The following SULT4A1 variants were observed in gnomAD, a reference collection of about 807,000 sequenced individuals.
SULT4A1 encodes the protein sulfotransferase family 4A member 1, also known as sulfotransferase 4A1.
A neutral mutation model predicts 35.2 loss-of-function variants in SULT4A1; 11 were observed. The observed-to-expected ratio is 0.31, with a 90% confidence interval of 0.20 to 0.52. The LOEUF (loss-of-function observed/expected upper bound fraction) is 0.52, where lower values mean the gene tolerates loss of function less well. Among genes scored for constraint, SULT4A1 ranks in the 20% least tolerant of loss-of-function variants. The pLI is 0.97. For synonymous variants in SULT4A1, 152 were observed against 151.8 expected (o/e 1.00, Z -0.01); for missense variants, 271 against 383.7 (o/e 0.71, Z 2.45).
In SULT4A1 at chr22:43,842,003, C is replaced by T; in HGVS notation, c.170-71G>A. The T allele has an allele frequency of 1.9e-6, 3 of 1,545,298 alleles. No homozygotes were observed. The South Asian group carries it at 3.6e-5, about 18-fold the overall frequency. On this transcript the variant is annotated intron_variant, in intron 1 of 6. Coordinates refer to ENST00000330884, the MANE Select transcript of SULT4A1 (RefSeq NM_014351.4). ...GCGCCCGGCCCTGTGCTCGGGTCAA[C>T]ACCTGCTGCCCAAGAAGGGGCTCAA...
In SULT4A1 at chr22:43,833,578, G is replaced by A. The variant is rs753292812; in HGVS notation, c.603+62C>T. The stretch of plus-strand genomic sequence containing the variant: ...CACGCCCACTGTAAAGGGCTCCTGC[G>A]TCAGGAGCTGCCAGGCCGAGGGCCA... On this transcript the variant is annotated intron_variant, in intron 5 of 6. Transcript: ENST00000330884. The A allele has an allele frequency of 2.6e-5, 35 of 1,364,452 alleles. 1 individual carries two copies. In the Admixed American group the frequency reaches 2.8e-4, roughly 11 times the overall value. The allele number at this position is 1,364,452 out of a possible 1,614,324, so 84.5% of individuals were successfully genotyped here. A position where few individuals can be genotyped will look rare whatever the true frequency, so the allele number is the denominator to read the frequency against.
At chr22:43,826,996 C>G (rs777677613) in intron 6 of SULT4A1, 22 of 985,354 alleles carry the variant, frequency 2.2e-5, no homozygotes, top group Non-Finnish European at 2.5e-5. Context: ...CTCAACATGA[C>G]AAGAGAAGTT....
chr22:43,836,965 C>T (rs934821792), intron 4 of SULT4A1, among the ~76,000 whole-genome samples: 1 of 152,278 alleles, frequency 6.6e-6, no homozygotes, highest in Non-Finnish European at 1.5e-5. Context: ...TCACCTGCCT[C>T]CAGGGCCCTT....
At chr22:43,830,158 C>G (rs1207428470) in intron 5 of SULT4A1, among the ~76,000 whole-genome samples, 3 of 152,188 alleles carry the variant, frequency 2.0e-5, no homozygotes, top group Non-Finnish European at 4.4e-5. Context: ...CAGGGCTTGA[C>G]TCAAGAGTCA....
At chr22:43,854,516 C>T (rs1302994449) in intron 1 of SULT4A1, among the ~76,000 whole-genome samples, 2 of 152,216 alleles carry the variant, frequency 1.3e-5, no homozygotes, top group East Asian at 1.9e-4. Context: ...CTGGTCCCCT[C>T]CTCCAGCAGA....
chr22:43,844,641 G>A (rs1443430856), intron 1 of SULT4A1, among the ~76,000 whole-genome samples: 2 of 152,102 alleles, frequency 1.3e-5, no homozygotes, highest in Non-Finnish European at 2.9e-5. Context: ...CTGGTGCGGG[G>A]TCCAGGCTGC....
chr22:43,831,052 A>ATAGAAAAT (rs1239000002), intron 5 of SULT4A1, among the ~76,000 whole-genome samples: 1 of 152,206 alleles, frequency 6.6e-6, no homozygotes, highest in Non-Finnish European at 1.5e-5. Context: ...ACCGGCTTTG[A>ATAGAAAAT]TAGAAAATGA....
intron 6 of SULT4A1, among the ~76,000 whole-genome samples, chr22:43,828,357 T>C (rs911567877): frequency 6.6e-6 from 1 of 152,198 alleles, no homozygotes; most frequent in African/African-American, 2.4e-5. Flanking sequence ...CACACACCCT[T>C]AAGGACAGGG....
chr22:43,860,972 T>A (rs946192293), intron 1 of SULT4A1, among the ~76,000 whole-genome samples: 1 of 151,980 alleles, frequency 6.6e-6, no homozygotes, highest in Non-Finnish European at 1.5e-5. Flanking sequence ...GAAAAAAAGG[T>A]GTAAGAGTCC....
intron 1 of SULT4A1, among the ~76,000 whole-genome samples, chr22:43,851,096 C>A (rs577278631): frequency 1.3e-5 from 2 of 152,278 alleles, no homozygotes; most frequent in Admixed American, 6.5e-5. Flanking sequence ...TTGTTTGTCA[C>A]CATTTTGTAA....
chr22:43,844,656 T>C (rs2063460730), intron 1 of SULT4A1, among the ~76,000 whole-genome samples: 1 of 152,076 alleles, frequency 6.6e-6, no homozygotes, highest in Non-Finnish European at 1.5e-5. Flanking sequence ...GGCTGCACCC[T>C]CCTGGGCAGG....
At chr22:43,845,562 G>A (rs5764003) in intron 1 of SULT4A1, among the ~76,000 whole-genome samples, 20,130 of 152,012 alleles carry the variant, frequency 0.13, 1,532 homozygotes, top group South Asian at 0.21. Context: ...GTGACACTGC[G>A]TCCTCACACC....
intron 4 of SULT4A1, among the ~76,000 whole-genome samples, chr22:43,834,070 G>A (rs1338739579): frequency 1.3e-5 from 2 of 152,176 alleles, no homozygotes; most frequent in East Asian, 1.9e-4. Flanking sequence ...AAGCCCAGAA[G>A]AACTGGGACA....
intron 1 of SULT4A1, among the ~76,000 whole-genome samples, chr22:43,844,636 G>A (rs1349723220): frequency 6.6e-6 from 1 of 152,204 alleles, no homozygotes; most frequent in Non-Finnish European, 1.5e-5. Context: ...CACACCTGGT[G>A]CGGGGTCCAG....
Position 43,838,981 on chromosome 22 carries a change from C to A in SULT4A1, c.394G>T (p.Ala132Ser), listed in dbSNP as rs747147345. ...ACCACCAGATCCTTGGGGTTGCGAG[C>A]CATATAGATGACCTGTGGGTGACAG... Reference protein sequence around the residue: ...HNGDSKVIYMARNPKDLVVSY... With the variant: ...HNGDSKVIYMSRNPKDLVVSY... Residue 132 changes from alanine to serine, a missense_variant, in exon 4 of 7, where the codon GCT (alanine) becomes TCT (serine). Physicochemically the swap from Ala to Ser is moderately conservative, Grantham distance 99. Coordinates refer to ENST00000330884, the MANE Select transcript of SULT4A1 (RefSeq NM_014351.4). 5.0e-6 allele frequency: 8 copies of A among 1,613,898 alleles called. No homozygotes were observed. The highest frequency in any genetic ancestry group is 2.5e-6 in the Non-Finnish European group (3 of 1,179,920).
At chr22:43,830,028 G>C (rs559771260) in intron 5 of SULT4A1, among the ~76,000 whole-genome samples, 1 of 152,362 alleles carries the variant, frequency 6.6e-6, no homozygotes, top group South Asian at 2.1e-4. Context: ...GAGTCAGCTG[G>C]TGTGGGCGCC....
intron 1 of SULT4A1, among the ~76,000 whole-genome samples, chr22:43,842,289 C>T (rs897597233): frequency 9.9e-5 from 15 of 152,106 alleles, no homozygotes; most frequent in Admixed American, 1.3e-4. Context: ...AATGATGGGT[C>T]GGGGGAATGA....
chr22:43,828,361 G>T (rs1310962051), intron 6 of SULT4A1, among the ~76,000 whole-genome samples: 4 of 152,220 alleles, frequency 2.6e-5, no homozygotes, highest in Non-Finnish European at 5.9e-5. Flanking sequence ...CACCCTTAAG[G>T]ACAGGGGGAG....
chr22:43,829,179 T>C lies in SULT4A1; in HGVS notation c.623A>G (p.Glu208Gly). 1 of 1,564,668 alleles carries C rather than the reference T, an allele frequency of 6.4e-7. No individual in the cohort carries two copies. The highest frequency in any genetic ancestry group is 8.7e-7 in the Non-Finnish European group (1 of 1,154,776). The change falls in exon 6 of 7, where the codon GAG becomes GGG. Residue 208 changes from glutamate (E) to glycine (G), a missense_variant. Transcript: ENST00000330884. ...CACCCCCAGGAATCTGGCCAGCTGC[T>C]CCACCATCGTCACCAGGTCCTGGAA... The part of the protein sequence containing the change: ...DMHRDLVTMV[E>G]QLARFLGVSC...
Sources: gnomAD v4.1 joint callset for allele counts (sites outside exome capture counted in the v4.1 genomes callset) on GRCh38, gnomAD v4.1.1 for gene constraint, MANE v1.5 for transcripts, NCBI Gene and HGNC (gene_info 2026-07-23, HGNC 2026-07-21) for gene names.